The following DMD variants were observed in gnomAD, a reference collection of about 807,000 sequenced individuals.
DMD encodes the protein mutant dystrophin.
In DMD, 63 loss-of-function variants were observed where a neutral mutation model predicts 330.1. That is an observed-to-expected ratio of 0.19 (90% CI 0.16 to 0.24). The LOEUF is 0.24. Ranked by LOEUF, DMD falls within the 10% of genes least tolerant of loss-of-function variation. The probability of loss-of-function intolerance (pLI) is 1.00; values close to 1 mark genes in which losing one functional copy is unlikely to be tolerated. For missense variants in DMD, 3,344 were observed against 2,684.1 expected (o/e 1.25, Z -5.43); for synonymous variants, 1,223 against 959.8 (o/e 1.27, Z -5.07).
chrX:31,190,780 C>G (rs1356630824), intron 67 of DMD, among the ~76,000 whole-genome samples: 5 of 110,453 alleles, frequency 4.5e-5, no homozygotes, highest in African/African-American at 1.6e-4. Flanking sequence ...ATGTTAACAT[C>G]TTACATAACC....
At chrX:32,508,922 T>A (rs1164037813) in intron 18 of DMD, among the ~76,000 whole-genome samples, 1 of 110,551 alleles carries the variant, frequency 9.0e-6, no homozygotes, top group Non-Finnish European at 1.9e-5. Flanking sequence ...GCCATTCTCC[T>A]TCCTCAGCCT....
chrX:32,836,858 C>T (rs1403280490), intron 4 of DMD, among the ~76,000 whole-genome samples: 1 of 111,631 alleles, frequency 9.0e-6, no homozygotes, highest in African/African-American at 3.3e-5. Context: ...AATATATTGC[C>T]CGTTTATAAT....
chrX:31,721,258 G>A (rs1374335081), intron 52 of DMD, among the ~76,000 whole-genome samples: 2 of 111,355 alleles, frequency 1.8e-5, no homozygotes, highest in Non-Finnish European at 3.8e-5. Flanking sequence ...TAACTTGGCT[G>A]GGCTATGGTT....
chrX:32,765,089 C>G (rs1186745431), intron 7 of DMD, among the ~76,000 whole-genome samples: 1 of 110,006 alleles, frequency 9.1e-6, no homozygotes, highest in Non-Finnish European at 1.9e-5. Context: ...TCTTACTGGC[C>G]AAACTTTAGA....
intron 60 of DMD, among the ~76,000 whole-genome samples, chrX:31,357,034 C>T (rs1459314260): frequency 9.2e-6 from 1 of 108,417 alleles, no homozygotes; most frequent in Non-Finnish European, 1.9e-5. Flanking sequence ...AATAGGTTCC[C>T]TTTTAAAAGT....
chrX:31,885,122 T>C (rs1415021736), intron 47 of DMD, among the ~76,000 whole-genome samples: 1 of 111,352 alleles, frequency 9.0e-6, no homozygotes, highest in Non-Finnish European at 1.9e-5. Flanking sequence ...ATTCTACCCA[T>C]GATCCTATGA....
chrX:31,329,258 T>C (rs2056962420), intron 61 of DMD, among the ~76,000 whole-genome samples: 2 of 111,905 alleles, frequency 1.8e-5, no homozygotes, highest in Non-Finnish European at 3.8e-5. Context: ...ACTAGAATCA[T>C]AGCAGATGCT....
At chrX:32,363,489 CA>C (rs1322810958) in intron 36 of DMD, among the ~76,000 whole-genome samples, 1 of 111,799 alleles carries the variant, frequency 8.9e-6, no homozygotes, top group African/African-American at 3.3e-5. Flanking sequence ...CTGTCACATA[CA>C]GAGGTACTGA....
intron 30 of DMD, among the ~76,000 whole-genome samples, chrX:32,394,920 A>AAAACAAAAAAAAAAAC (rs1557326790): frequency 3.1e-4 from 19 of 60,405 alleles, no homozygotes; most frequent in African/African-American, 1.1e-3. Flanking sequence ...AAAAAACAAA[A>AAAACAAAAAAAAAAAC]AAAAAAAAAA....
Position 31,507,363 on chromosome X carries a change from C to G in DMD, c.8308G>C (p.Asp2770His). ...CGTCTTTGTAACAGGACTGCATCAT[C>G]GGAACCTTCCAGGGATCTCAGGATT... ...QKILRSLEGS[D>H]DAVLLQRRLD... Residue 2770 changes from aspartate (D) to histidine (H), a missense_variant, in exon 56 of 79, where the codon GAT (aspartate) becomes CAT (histidine). Transcript: ENST00000357033. The G allele has an allele frequency of 2.5e-6, 3 of 1,211,322 alleles. No homozygotes were observed. Among genetic ancestry groups the G allele is most frequent in the Non-Finnish European group, 1.1e-6 (1 of 895,121 alleles).
intron 2 of DMD, among the ~76,000 whole-genome samples, chrX:32,964,992 T>C (rs1320766971): frequency 5.4e-5 from 6 of 111,348 alleles, no homozygotes; most frequent in African/African-American, 1.6e-4. Flanking sequence ...CAGGAGCTGG[T>C]GAAACACATT....
At chrX:31,522,613 G>T (rs1444792509) in intron 55 of DMD, among the ~76,000 whole-genome samples, 1 of 109,033 alleles carries the variant, frequency 9.2e-6, no homozygotes, top group Non-Finnish European at 1.9e-5. Context: ...ATTTTTGAGA[G>T]ATCATGAATA....
chrX:32,330,541 G>A, intron 41 of DMD, among the ~76,000 whole-genome samples: 1 of 111,679 alleles, frequency 9.0e-6, no homozygotes, highest in East Asian at 2.8e-4. Context: ...CCTTCCAGCT[G>A]GTGTTCCATA....
intron 17 of DMD, among the ~76,000 whole-genome samples, chrX:32,536,124 G>A (rs940908751): frequency 9.1e-6 from 1 of 109,745 alleles, no homozygotes; most frequent in Non-Finnish European, 1.9e-5. Context: ...AATTAGCTGG[G>A]CATGGTGGCC....
At chrX:32,014,862 C>A (rs1031815311) in intron 44 of DMD, among the ~76,000 whole-genome samples, 1 of 111,915 alleles carries the variant, frequency 8.9e-6, no homozygotes, top group South Asian at 3.7e-4. Context: ...TAGTAATAAG[C>A]CTCATATTAG....
rs1029847366 is a variant in DMD, at chrX:32,552,270, A to G, written c.1993-6936T>C. On this transcript the variant is annotated intron_variant, in intron 16 of 78. Transcript: ENST00000357033. ...CAAAACAGCATGGTACAAAAAACAG[A>G]CACATAAACCAATGGAAAAGAATAG... Among the ~76,000 whole-genome samples the G allele has an allele frequency of 9.8e-5, 11 of 111,906 alleles. No individual in the cohort carries two copies. In the East Asian group the frequency reaches 1.4e-3, roughly 14 times the overall value.
chrX:32,484,878 T>C (rs1243843200), intron 21 of DMD, 41 bp downstream of exon 21: 4 of 1,181,484 alleles, frequency 3.4e-6, no homozygotes, highest in Non-Finnish European at 4.6e-6. Flanking sequence ...AATAACCATT[T>C]TGGAAAATGT....
At chrX:32,414,102 T>C (rs192910009) in intron 29 of DMD, among the ~76,000 whole-genome samples, 3 of 111,748 alleles carry the variant, frequency 2.7e-5, no homozygotes, top group Non-Finnish European at 5.6e-5. Flanking sequence ...GCTCTAGCTA[T>C]ACAGAAATTT....
chrX:32,860,048 C>A (rs551907836), intron 2 of DMD, among the ~76,000 whole-genome samples: 2 of 111,479 alleles, frequency 1.8e-5, no homozygotes, highest in African/African-American at 6.5e-5. Flanking sequence ...AACCACAACA[C>A]GAAAGGACCT....
Sources: gnomAD v4.1 joint callset for allele counts (sites outside exome capture counted in the v4.1 genomes callset) on GRCh38, gnomAD v4.1.1 for gene constraint, MANE v1.5 for transcripts, NCBI Gene and HGNC (gene_info 2026-07-23, HGNC 2026-07-21) for gene names.